ITSN1: variants seen among roughly 807,000 people sequenced by gnomAD.
ITSN1 encodes the protein intersectin-1.
ITSN1 carries 58 observed loss-of-function variants against 239.8 expected under a neutral mutation model. The ratio of observed to expected loss-of-function variants is 0.24; its 90% confidence interval spans 0.20 to 0.30. The LOEUF (loss-of-function observed/expected upper bound fraction) is 0.30. Among genes scored for constraint, ITSN1 ranks in the 10% least tolerant of loss-of-function variants. The probability of loss-of-function intolerance (pLI) is 1.00; values close to 1 mark genes in which losing one functional copy is unlikely to be tolerated. For missense variants in ITSN1, 1,558 were observed against 2,103.3 expected, an observed-to-expected ratio of 0.74 and a Z score of 5.07; for synonymous variants, 780 against 770.8, an observed-to-expected ratio of 1.01 and a Z score of -0.20.
At chr21:33,873,222 G>A (rs1365084871) in intron 33 of ITSN1, among the ~76,000 whole-genome samples, 1 of 152,206 alleles carries the variant, frequency 6.6e-6, no homozygotes, top group African/African-American at 2.4e-5. Context: ...CTCCATTTGA[G>A]CATCTACTTA....
At chr21:33,786,002 G>A (rs1463004212) in intron 16 of ITSN1, among the ~76,000 whole-genome samples, 1 of 152,214 alleles carries the variant, frequency 6.6e-6, no homozygotes, top group African/African-American at 2.4e-5. Flanking sequence ...TAAAAACAGG[G>A]AGGGTGGGAG....
At position 33,809,646 on chromosome 21, in the gene ITSN1, C is replaced by A. The variant is rs71326968; in HGVS notation, c.2320-1329C>A. On this transcript the variant is annotated intron_variant, in intron 20 of 39. Transcript: ENST00000381318. The stretch of plus-strand genomic sequence containing the variant: ...GATTTTTCCAAAATCATTGTTAAGA[C>A]CCTGCCTACTCATGTCTGATTTCTA... 8.5e-3 allele frequency among the ~76,000 whole-genome samples: 1,300 copies of A among 152,240 alleles called. 6 individuals carry two copies. Among genetic ancestry groups the A allele is most frequent in the Admixed American group, 0.015 (227 of 15,296 alleles).
chr21:33,646,128 C>CA (rs2087921054), intron 1 of ITSN1, among the ~76,000 whole-genome samples: 7 of 152,124 alleles, frequency 4.6e-5, no homozygotes. Flanking sequence ...CAGCATATTA[C>CA]AAAAAAATTT....
At chr21:33,706,702 C>T (rs1278104144) in intron 1 of ITSN1, among the ~76,000 whole-genome samples, 1 of 152,152 alleles carries the variant, frequency 6.6e-6, no homozygotes, top group Non-Finnish European at 1.5e-5. Flanking sequence ...AGAAGCCTTA[C>T]AGTCCACACC....
At chr21:33,716,768 A>G (rs1422616728) in intron 1 of ITSN1, among the ~76,000 whole-genome samples, 3 of 151,828 alleles carry the variant, frequency 2.0e-5, no homozygotes, top group East Asian at 1.9e-4. Context: ...CCTGGCCAAC[A>G]TGGTGAAACT....
chr21:33,778,571 C>CTCTTT (rs1244255072), intron 14 of ITSN1, among the ~76,000 whole-genome samples: 1 of 63,952 alleles, frequency 1.6e-5, no homozygotes, highest in Non-Finnish European at 2.5e-5. Context: ...ATAATATTCT[C>CTCTTT]TTTTTTTTTT....
intron 29 of ITSN1, among the ~76,000 whole-genome samples, chr21:33,850,202 C>T (rs1372330067): frequency 1.3e-5 from 2 of 152,212 alleles, no homozygotes; most frequent in East Asian, 1.9e-4. Context: ...ACTGGATTCC[C>T]CTCCTTGGGA....
intron 1 of ITSN1, among the ~76,000 whole-genome samples, chr21:33,692,172 G>T (rs2091578246): frequency 6.6e-6 from 1 of 152,218 alleles, no homozygotes; most frequent in South Asian, 2.1e-4. Context: ...AGAGAAGCCT[G>T]AGTTTGGTCA....
chr21:33,715,294 C>T (rs2065071420), intron 1 of ITSN1, among the ~76,000 whole-genome samples: 1 of 151,914 alleles, frequency 6.6e-6, no homozygotes, highest in African/African-American at 2.4e-5. Context: ...ATATGTGAGA[C>T]TATTAGCACT....
At chr21:33,755,701 A>G (rs756959249) in intron 8 of ITSN1, among the ~76,000 whole-genome samples, 11 of 152,310 alleles carry the variant, frequency 7.2e-5, no homozygotes, top group South Asian at 2.1e-4. Flanking sequence ...ACTAGCTTCA[A>G]CTTCTGAAGT....
chr21:33,883,414 C>G, intron 35 of ITSN1, 136 bp from the exon 36 acceptor site: 1 of 1,176,916 alleles, frequency 8.5e-7, no homozygotes, highest in Non-Finnish European at 1.2e-6. Flanking sequence ...AACACACGCA[C>G]GAGTGTGCAC....
intron 10 of ITSN1, among the ~76,000 whole-genome samples, chr21:33,767,385 G>A (rs564781960): frequency 6.6e-6 from 1 of 152,190 alleles, no homozygotes; most frequent in African/African-American, 2.4e-5. Context: ...ACTTGAGAGG[G>A]CAATGGAAAT....
At chr21:33,867,883 A>C (rs7509752) in intron 33 of ITSN1, among the ~76,000 whole-genome samples, 1,609 of 152,132 alleles carry the variant, frequency 0.011, 38 homozygotes, top group African/African-American at 0.037. Flanking sequence ...ACAGCTCTTA[A>C]GGCAGCGCGT....
At chr21:33,765,014 C>T (rs915246866) in intron 9 of ITSN1, among the ~76,000 whole-genome samples, 6 of 152,166 alleles carry the variant, frequency 3.9e-5, no homozygotes, top group South Asian at 2.1e-4. Flanking sequence ...CCCAGTGGGC[C>T]GAATCTGGCC....
intron 1 of ITSN1, among the ~76,000 whole-genome samples, chr21:33,686,319 T>C (rs1471708328): frequency 5.9e-5 from 9 of 152,210 alleles, no homozygotes; most frequent in Admixed American, 3.3e-4. Flanking sequence ...ATGTCATTTT[T>C]CTCAATTTGT....
chr21:33,842,593 A>G (rs2074862349), intron 29 of ITSN1, among the ~76,000 whole-genome samples: 1 of 151,952 alleles, frequency 6.6e-6, no homozygotes, highest in South Asian at 2.1e-4. Context: ...TGGTGACAGT[A>G]GGTCAAACGG....
chr21:33,732,077 G>A (rs1034483206), intron 4 of ITSN1, among the ~76,000 whole-genome samples: 1 of 152,188 alleles, frequency 6.6e-6, no homozygotes, highest in Non-Finnish European at 1.5e-5. Context: ...TTTTTAATTG[G>A]CATTTCATTG....
intron 4 of ITSN1, among the ~76,000 whole-genome samples, chr21:33,731,013 A>T (rs1176532723): frequency 1.3e-5 from 2 of 152,316 alleles, no homozygotes; most frequent in East Asian, 3.9e-4. Flanking sequence ...CCATATTTCC[A>T]TAAATTTCTT....
intron 1 of ITSN1, among the ~76,000 whole-genome samples, chr21:33,700,951 C>CTGTGTGTGTGTG (rs72389168): frequency 0.011 from 1,522 of 141,828 alleles, 12 homozygotes; most frequent in African/African-American, 0.027. Context: ...TTTCTTTTTT[C>CTGTGTGTGTGTG]TGTGTGTGTG....
Sources: allele counts gnomAD v4.1 joint callset (sites outside exome capture counted in the v4.1 genomes callset), GRCh38; gene constraint gnomAD v4.1.1; transcripts MANE v1.5; gene names NCBI Gene and HGNC (gene_info 2026-07-23, HGNC 2026-07-21).